Variants in TMEM135 observed in about 807,000 individuals in gnomAD.
TMEM135 encodes peroxisomal membrane protein 52.
Under a neutral mutation model 60.3 loss-of-function variants are expected in TMEM135, and 30 were observed. The observed-to-expected ratio is 0.50, with a 90% CI of 0.37 to 0.68. The LOEUF (loss-of-function observed/expected upper bound fraction) is 0.68. Among genes scored for constraint, TMEM135 ranks in the 30% least tolerant of loss-of-function variants. TMEM135 has a pLI of 0.00. For synonymous variants in TMEM135, 190 were observed against 186.7 expected (o/e 1.02, Z -0.14); for missense variants, 468 against 548.8 (o/e 0.85, Z 1.47).
Position 87,323,733 on chromosome 11 carries a change from G to A in TMEM135, c.*2400G>A, listed in dbSNP as rs1303751095. On this transcript the variant is annotated 3_prime_UTR_variant, in exon 15 of 15. Transcript: ENST00000305494. Reference sequence around the variant, plus strand: ...TAAAATCCTAGAACTAGTAGCAACCGAGTAAAGATTGAGTTTGCAAGATAA... The same window carrying A: ...TAAAATCCTAGAACTAGTAGCAACCAAGTAAAGATTGAGTTTGCAAGATAA... The A allele has an allele frequency of 1.3e-5, 6 of 453,726 alleles. No individual in the cohort carries two copies. The highest frequency in any genetic ancestry group is 4.7e-5 in the Admixed American group (2 of 42,528). 28.1% of individuals were successfully genotyped at this position (453,726 alleles called of 1,614,324 possible).
chr11:87,114,510 A>G (rs910921596), intron 4 of TMEM135, among the ~76,000 whole-genome samples: 2 of 152,194 alleles, frequency 1.3e-5, no homozygotes, highest in Non-Finnish European at 2.9e-5. Context: ...ATGATTTTGA[A>G]CAACCGATGG....
chr11:87,163,541 G>C (rs1301121270), intron 5 of TMEM135, among the ~76,000 whole-genome samples: 50 of 152,022 alleles, frequency 3.3e-4, no homozygotes, highest in Non-Finnish European at 8.8e-5. Context: ...ATAGTCCTTT[G>C]GGTATGTACC....
At chr11:87,059,959 C>T (rs1056716018) in intron 1 of TMEM135, among the ~76,000 whole-genome samples, 6 of 152,242 alleles carry the variant, frequency 3.9e-5, no homozygotes, top group Non-Finnish European at 8.8e-5. Flanking sequence ...ACTAAAAATA[C>T]AAAAATTAGC....
chr11:87,188,344 C>T (rs537203236), intron 5 of TMEM135, among the ~76,000 whole-genome samples: 34 of 152,250 alleles, frequency 2.2e-4, no homozygotes, highest in African/African-American at 7.7e-4. Flanking sequence ...TATTTTGTCT[C>T]GTTTTATTCA....
At chr11:87,130,739 C>T (rs771600866) in intron 4 of TMEM135, among the ~76,000 whole-genome samples, 2 of 152,016 alleles carry the variant, frequency 1.3e-5, no homozygotes, top group African/African-American at 2.4e-5. Context: ...TGGCCTCAAG[C>T]GCTCTTCCTA....
intron 6 of TMEM135, among the ~76,000 whole-genome samples, chr11:87,287,993 A>T (rs1161272496): frequency 1.3e-5 from 2 of 152,166 alleles, no homozygotes; most frequent in East Asian, 3.8e-4. Context: ...TAATATATAA[A>T]TTTATGCTTA....
intron 5 of TMEM135, among the ~76,000 whole-genome samples, chr11:87,233,912 C>T (rs1940940418): frequency 6.6e-6 from 1 of 152,008 alleles, no homozygotes; most frequent in Non-Finnish European, 1.5e-5. Context: ...AGGAAATATT[C>T]TTCATTATTT....
chr11:87,321,589 A>G lies in TMEM135; in HGVS notation c.*256A>G. The G allele has an allele frequency of 1.6e-6, 1 of 618,152 alleles. No individual in the cohort carries two copies. The highest frequency in any genetic ancestry group is 3.0e-6 in the Non-Finnish European group (1 of 334,434). 38.3% of individuals were successfully genotyped at this position (618,152 alleles called of 1,614,324 possible). A position where few individuals can be genotyped will look rare whatever the true frequency, so the allele number is the denominator to read the frequency against. ...GACTGACATTATATATTATTGATCAAATTATGTCCACAAGCAATATTATAT... is the reference window on the plus strand; with the variant it reads ...GACTGACATTATATATTATTGATCAGATTATGTCCACAAGCAATATTATAT... On this transcript the variant is annotated 3_prime_UTR_variant, in exon 15 of 15. Coordinates refer to ENST00000305494, the MANE Select transcript of TMEM135 (RefSeq NM_022918.4).
In TMEM135 at chr11:87,326,566, A is replaced by G; in HGVS notation, c.*5233A>G. On this transcript the variant is annotated 3_prime_UTR_variant, in exon 15 of 15. Coordinates refer to ENST00000305494, the MANE Select transcript of TMEM135 (RefSeq NM_022918.4). Reference sequence around the variant, plus strand: ...GGGATTGGATGCCAAAAGGAATGGGAGAGAAGAGACTATAAACATATTTTA... The same window carrying G: ...GGGATTGGATGCCAAAAGGAATGGGGGAGAAGAGACTATAAACATATTTTA... The G allele has an allele frequency of 2.2e-6, 1 of 454,080 alleles. No individual in the cohort carries two copies. Among genetic ancestry groups the G allele is most frequent in the South Asian group, 1.6e-5 (1 of 64,478 alleles). 28.1% of individuals were successfully genotyped at this position (454,080 alleles called of 1,614,324 possible).
intron 1 of TMEM135, among the ~76,000 whole-genome samples, chr11:87,039,726 T>C (rs1388124833): frequency 6.6e-6 from 1 of 152,236 alleles, no homozygotes; most frequent in African/African-American, 2.4e-5. Context: ...GAAAAGATTG[T>C]TCCTGCTGTG....
At chr11:87,221,934 A>G (rs1011954166) in intron 5 of TMEM135, among the ~76,000 whole-genome samples, 1 of 152,164 alleles carries the variant, frequency 6.6e-6, no homozygotes. Context: ...ACCGTGGTAC[A>G]CACCTGTAAT....
intron 4 of TMEM135, among the ~76,000 whole-genome samples, chr11:87,111,221 T>G (rs1324142216): frequency 6.6e-6 from 1 of 152,216 alleles, no homozygotes; most frequent in Admixed American, 6.5e-5. Flanking sequence ...CCTATTTTTT[T>G]GGTCGTGAAT....
At chr11:87,125,355 G>A (rs1937694660) in intron 4 of TMEM135, among the ~76,000 whole-genome samples, 1 of 152,202 alleles carries the variant, frequency 6.6e-6, no homozygotes, top group Non-Finnish European at 1.5e-5. Context: ...GGTAAGAGTA[G>A]TTGTGGGGGA....
chr11:87,063,929 A>G (rs1856593357), intron 1 of TMEM135, among the ~76,000 whole-genome samples: 1 of 152,256 alleles, frequency 6.6e-6, no homozygotes, highest in South Asian at 2.1e-4. Context: ...TTTGGCGGAC[A>G]TAAGCACTTA....
chr11:87,094,329 ATTT>A, intron 4 of TMEM135, among the ~76,000 whole-genome samples: 1 of 152,102 alleles, frequency 6.6e-6, no homozygotes, highest in East Asian at 1.9e-4. Context: ...GGTTCTTATT[ATTT>A]GTCTCTCATT....
chr11:87,313,678 T>G (rs1942679552), intron 11 of TMEM135, among the ~76,000 whole-genome samples, 190 bp downstream of exon 11: 1 of 151,782 alleles, frequency 6.6e-6, no homozygotes, highest in Admixed American at 6.6e-5. Flanking sequence ...ATCTGATGTT[T>G]TGAGTTGGCA....
In TMEM135 at chr11:87,235,297, A is replaced by G. The variant is rs150126707; in HGVS notation, c.463-1341A>G. On this transcript the variant is annotated intron_variant, in intron 5 of 14. Transcript: ENST00000305494. Reference sequence around the variant, plus strand: ...ATGGAGAGAGGAAGGAAGGAGGGAAAGAGGGAGGGGAGGAGAGTATGTGTG... The same window carrying G: ...ATGGAGAGAGGAAGGAAGGAGGGAAGGAGGGAGGGGAGGAGAGTATGTGTG... Among the ~76,000 whole-genome samples the G allele has an allele frequency of 2.3e-3, 350 of 151,764 alleles. 1 individual carries two copies. In the East Asian group the frequency reaches 0.026, roughly 11 times the overall value.
chr11:87,069,000 C>T (rs1329194277), intron 2 of TMEM135, among the ~76,000 whole-genome samples: 2 of 151,144 alleles, frequency 1.3e-5, no homozygotes, highest in Admixed American at 1.3e-4. Context: ...TTATCATGTG[C>T]TCTCTAGAAA....
intron 11 of TMEM135, 32 bp downstream of exon 11, chr11:87,313,520 T>C (rs930855997): frequency 1.9e-6 from 3 of 1,545,874 alleles, no homozygotes; most frequent in Non-Finnish European, 2.7e-6. Flanking sequence ...ATGGTTATTA[T>C]TGTATTAATC....
Sources: gnomAD v4.1 joint callset for allele counts (sites outside exome capture counted in the v4.1 genomes callset) on GRCh38, gnomAD v4.1.1 for gene constraint, MANE v1.5 for transcripts, NCBI Gene and HGNC (gene_info 2026-07-23, HGNC 2026-07-21) for gene names.